FSTL4: variants seen among roughly 807,000 people sequenced by gnomAD.
FSTL4 encodes the protein follistatin-related protein 4.
Under a neutral mutation model 78.2 loss-of-function variants are expected in FSTL4, and 28 were observed. That is an observed-to-expected ratio of 0.36 (90% CI 0.27 to 0.49). The LOEUF (loss-of-function observed/expected upper bound fraction) is 0.49, where lower values mean the gene tolerates loss of function less well. FSTL4 is among the 20% of genes least tolerant of loss of function. The pLI is 0.98. For synonymous variants in FSTL4, 422 were observed against 440.5 expected (o/e 0.96, Z 0.53); for missense variants, 922 against 1,084.9 (o/e 0.85, Z 2.11).
At chr5:133,227,022 C>A (rs1207453287) in intron 8 of FSTL4, among the ~76,000 whole-genome samples, 2 of 152,196 alleles carry the variant, frequency 1.3e-5, no homozygotes, top group Non-Finnish European at 2.9e-5. Flanking sequence ...ATTCCATCAA[C>A]TCAGTCTGAA....
At chr5:133,423,078 A>G (rs1164955169) in intron 3 of FSTL4, among the ~76,000 whole-genome samples, 2 of 152,220 alleles carry the variant, frequency 1.3e-5, no homozygotes, top group Non-Finnish European at 2.9e-5. Context: ...TCATTTGTAC[A>G]GTTGCTGCCT....
intron 6 of FSTL4, chr5:133,266,472 C>G (rs1164722525): frequency 6.6e-6 from 1 of 152,288 alleles, no homozygotes; most frequent in Non-Finnish European, 1.5e-5. Context: ...GAGGCCCTGC[C>G]CGGCTCCTGC....
At chr5:133,481,269 G>A (rs570534917) in intron 3 of FSTL4, among the ~76,000 whole-genome samples, 18 of 152,264 alleles carry the variant, frequency 1.2e-4, no homozygotes, top group Admixed American at 2.0e-4. Context: ...GGTCAGGCAC[G>A]GTGGTTCACA....
the FSTL4 span, among the ~76,000 whole-genome samples, chr5:133,832,853 C>A: frequency 6.6e-6 from 1 of 152,194 alleles, no homozygotes; most frequent in Non-Finnish European, 1.5e-5. Context: ...TGTGGCACCA[C>A]CAAAGCAGCC....
chr5:133,408,835 G>C (rs1034351800), intron 3 of FSTL4, among the ~76,000 whole-genome samples: 8 of 152,186 alleles, frequency 5.3e-5, no homozygotes, highest in African/African-American at 1.9e-4. Flanking sequence ...GATAATTCAT[G>C]TAGAGAGCTA....
In FSTL4 at chr5:133,221,891, G is replaced by GTTTTTTTTTTTTTT. The variant is rs59400068; in HGVS notation, c.1340-1039_1340-1026dup. The stretch of plus-strand genomic sequence containing the variant: ...AATATGTAGAAAAATCTCTTTTCTA[G>GTTTTTTTTTTTTTT]TTTTTTTTTTTTTTTTTTTTTTTTT... On this transcript the variant is annotated intron_variant, in intron 11 of 15. Coordinates refer to ENST00000265342, the MANE Select transcript of FSTL4 (RefSeq NM_015082.2). Among the ~76,000 whole-genome samples, 15 of 43,358 alleles carry GTTTTTTTTTTTTTT rather than the reference G, an allele frequency of 3.5e-4. 3 individuals carry two copies. The highest frequency in any genetic ancestry group is 1.1e-3 in the South Asian group (1 of 884). 28.4% of individuals were successfully genotyped at this position (43,358 alleles called of 152,430 possible). A position where few individuals can be genotyped will look rare whatever the true frequency, so the allele number is the denominator to read the frequency against.
chr5:133,630,845 A>G, the FSTL4 span, among the ~76,000 whole-genome samples: 3 of 152,184 alleles, frequency 2.0e-5, no homozygotes, highest in Non-Finnish European at 2.9e-5. Context: ...CATATCTACA[A>G]CCATCTGATC....
At chr5:133,687,239 T>G in the FSTL4 span, among the ~76,000 whole-genome samples, 1 of 151,996 alleles carries the variant, frequency 6.6e-6, no homozygotes, top group Non-Finnish European at 1.5e-5. Context: ...TATGGTAGGA[T>G]CTGCGTGATA....
the FSTL4 span, among the ~76,000 whole-genome samples, chr5:133,661,209 C>T: frequency 2.0e-5 from 3 of 152,180 alleles, no homozygotes; most frequent in Admixed American, 1.3e-4. Context: ...AGGCTGGTCT[C>T]GAACTCCTGA....
At chr5:133,454,430 G>C (rs1757442239) in intron 3 of FSTL4, among the ~76,000 whole-genome samples, 1 of 152,088 alleles carries the variant, frequency 6.6e-6, no homozygotes, top group Non-Finnish European at 1.5e-5. Flanking sequence ...TGAATGGTGG[G>C]TTTGCACCAG....
At chr5:133,523,432 G>A (rs549134648) in intron 3 of FSTL4, among the ~76,000 whole-genome samples, 37 of 152,102 alleles carry the variant, frequency 2.4e-4, no homozygotes, top group African/African-American at 7.7e-4. Context: ...GAGAGAAAGG[G>A]AAAACCAGCC....
the FSTL4 span, among the ~76,000 whole-genome samples, chr5:133,839,420 CT>C: frequency 3.3e-5 from 5 of 152,222 alleles, no homozygotes; most frequent in Non-Finnish European, 5.9e-5. Context: ...TTCTTTCCCC[CT>C]CTTCCAGATT....
intron 4 of FSTL4, among the ~76,000 whole-genome samples, chr5:133,347,068 G>T (rs1017477805): frequency 6.6e-6 from 1 of 152,032 alleles, no homozygotes; most frequent in Admixed American, 6.5e-5. Flanking sequence ...ACAGCCAGTT[G>T]CTCTTTTCCT....
intron 3 of FSTL4, among the ~76,000 whole-genome samples, chr5:133,549,700 G>A (rs2112927362): frequency 6.6e-6 from 1 of 152,270 alleles, no homozygotes; most frequent in South Asian, 2.1e-4. Flanking sequence ...GCTCTACCAT[G>A]TACCTAGGAA....
At chr5:133,302,731 A>G (rs1753573218) in intron 6 of FSTL4, among the ~76,000 whole-genome samples, 1 of 152,200 alleles carries the variant, frequency 6.6e-6, no homozygotes, top group Non-Finnish European at 1.5e-5. Flanking sequence ...GTGTGGAACC[A>G]TGGTGAGCTG....
intron 3 of FSTL4, 76 bp downstream of exon 3, chr5:133,567,110 T>A (rs1203928003): frequency 2.0e-6 from 2 of 1,025,624 alleles, no homozygotes; most frequent in African/African-American, 3.1e-5. Flanking sequence ...CAGTCTGAAG[T>A]TCATCTTAGT....
At chr5:133,631,157 T>C in the FSTL4 span, among the ~76,000 whole-genome samples, 2 of 152,094 alleles carry the variant, frequency 1.3e-5, no homozygotes, top group Non-Finnish European at 2.9e-5. Flanking sequence ...TGGGGTCTAA[T>C]TAAACTAAAG....
At chr5:133,403,535 A>T (rs1267667554) in intron 3 of FSTL4, among the ~76,000 whole-genome samples, 1 of 152,162 alleles carries the variant, frequency 6.6e-6, no homozygotes. Context: ...TTCAGAACTG[A>T]TCTCCTGAAG....
chr5:133,817,760 C>T, the FSTL4 span, among the ~76,000 whole-genome samples: 1 of 152,082 alleles, frequency 6.6e-6, no homozygotes. Flanking sequence ...GTGTTCTGGC[C>T]CAGAAATACA....
Sources: allele counts gnomAD v4.1 joint callset (sites outside exome capture counted in the v4.1 genomes callset), GRCh38; gene constraint gnomAD v4.1.1; transcripts MANE v1.5; gene names NCBI Gene and HGNC (gene_info 2026-07-23, HGNC 2026-07-21).